IL13RA1: variants seen among roughly 807,000 people sequenced by gnomAD.
IL13RA1 encodes the protein interleukin 13 receptor subunit alpha 1, also known as interleukin-13 receptor subunit alpha-1.
IL13RA1 carries 14 observed loss-of-function variants against 33.8 expected under a neutral mutation model. The observed-to-expected ratio is 0.41, with a 90% CI of 0.27 to 0.65. The LOEUF is 0.65. IL13RA1 is among the 30% of genes least tolerant of loss of function. The pLI is 0.28. For synonymous variants in IL13RA1, 116 were observed against 115.7 expected (o/e 1.00, Z -0.02); for missense variants, 313 against 327.0 (o/e 0.96, Z 0.33).
chrX:118,731,034 C>T (rs1229618405), intron 1 of IL13RA1, among the ~76,000 whole-genome samples: 1 of 112,224 alleles, frequency 8.9e-6, no homozygotes, highest in Non-Finnish European at 1.9e-5. Flanking sequence ...AGCAAAATGC[C>T]TTCTTATGAA....
At chrX:118,802,990 A>C in the IL13RA1 span, among the ~76,000 whole-genome samples, 1 of 111,874 alleles carries the variant, frequency 8.9e-6, no homozygotes, top group Non-Finnish European at 1.9e-5. Flanking sequence ...CTACACTTCA[A>C]ACCCTTTCGT....
At chrX:118,798,129 G>A (rs2018041680), downstream of IL13RA1, among the ~76,000 whole-genome samples, 1 of 111,678 alleles carries the variant, frequency 9.0e-6, no homozygotes, top group African/African-American at 3.3e-5. Context: ...TAGAAGATGA[G>A]GAATTAGCTT....
At chrX:118,765,596 T>G (rs998385513) in intron 6 of IL13RA1, among the ~76,000 whole-genome samples, 2 of 112,480 alleles carry the variant, frequency 1.8e-5, no homozygotes, top group African/African-American at 6.5e-5. Flanking sequence ...TTTGGTTTTA[T>G]GAATGGAGTT....
the IL13RA1 span, among the ~76,000 whole-genome samples, chrX:118,803,287 G>A: frequency 9.8e-5 from 11 of 112,120 alleles, no homozygotes; most frequent in East Asian, 2.8e-4. Flanking sequence ...ATATATAGAA[G>A]TAAGGAGACT....
intron 3 of IL13RA1, among the ~76,000 whole-genome samples, chrX:118,748,361 G>GAAAAAAAA (rs34048610): frequency 2.0e-5 from 1 of 51,024 alleles, no homozygotes; most frequent in African/African-American, 7.4e-5. Context: ...AGGAGTTAAC[G>GAAAAAAAA]AAAAAAAAAA....
chrX:118,730,927 C>T (rs939367039), intron 1 of IL13RA1, among the ~76,000 whole-genome samples: 18 of 112,348 alleles, frequency 1.6e-4, no homozygotes, highest in Non-Finnish European at 3.4e-4. Context: ...ACAGATGACT[C>T]ATATATGACT....
chrX:118,728,063 C>G (rs1285362282), intron 1 of IL13RA1, among the ~76,000 whole-genome samples: 1 of 112,652 alleles, frequency 8.9e-6, no homozygotes, highest in Non-Finnish European at 1.9e-5. Context: ...GCGGGGGGCC[C>G]GAAACATGCC....
At chrX:118,776,675 T>C (rs2017788522) in intron 10 of IL13RA1, among the ~76,000 whole-genome samples, 164 bp downstream of exon 10, 1 of 108,804 alleles carries the variant, frequency 9.2e-6, no homozygotes, top group South Asian at 4.1e-4. Context: ...CTGACGCCTG[T>C]AATCCCAACA....
At chrX:118,757,650 A>G (rs2017545605) in intron 4 of IL13RA1, among the ~76,000 whole-genome samples, 1 of 99,780 alleles carries the variant, frequency 1.0e-5, no homozygotes, top group African/African-American at 3.7e-5. Flanking sequence ...CTTTTCATGG[A>G]CATCTCAGTC....
intron 10 of IL13RA1, among the ~76,000 whole-genome samples, chrX:118,788,199 G>A (rs1026438589): frequency 1.8e-5 from 2 of 111,769 alleles, no homozygotes; most frequent in Non-Finnish European, 3.8e-5. Context: ...TCCGTTCGGG[G>A]TCCCTGACTT....
chrX:118,738,693 G>A (rs552550965), intron 1 of IL13RA1, among the ~76,000 whole-genome samples: 25 of 109,460 alleles, frequency 2.3e-4, no homozygotes, highest in Middle Eastern at 9.5e-3. Context: ...ACAGGTGCAT[G>A]TGTCTTTATG....
intron 1 of IL13RA1, among the ~76,000 whole-genome samples, chrX:118,730,308 G>T (rs2017201902): frequency 8.9e-6 from 1 of 112,025 alleles, no homozygotes; most frequent in Admixed American, 9.5e-5. Flanking sequence ...AACAAAAAAA[G>T]AAGCGAATGA....
chrX:118,764,257 C>T (rs779339344), intron 6 of IL13RA1, among the ~76,000 whole-genome samples: 2 of 99,020 alleles, frequency 2.0e-5, no homozygotes, highest in African/African-American at 7.5e-5. Flanking sequence ...TCTGAAGAGC[C>T]AGTAAACTAT....
At chrX:118,769,845 C>T (rs1346940323) in intron 8 of IL13RA1, 1 of 135,002 alleles carries the variant, frequency 7.4e-6, no homozygotes, top group African/African-American at 3.2e-5. Flanking sequence ...AACACCACCA[C>T]ATTCACGTGG....
intron 4 of IL13RA1, among the ~76,000 whole-genome samples, chrX:118,752,984 C>T (rs1418556779): frequency 8.9e-6 from 1 of 111,873 alleles, no homozygotes; most frequent in African/African-American, 3.3e-5. Context: ...TTGGCAGCAT[C>T]CATGTGTTTA....
chrX:118,744,357 G>A (rs955138483), intron 2 of IL13RA1, among the ~76,000 whole-genome samples: 1 of 111,471 alleles, frequency 9.0e-6, no homozygotes, highest in Admixed American at 9.6e-5. Flanking sequence ...TCATATGCCT[G>A]AAGCATAAGG....
chrX:118,797,677 G>C (rs1450284949), downstream of IL13RA1, among the ~76,000 whole-genome samples: 1 of 112,189 alleles, frequency 8.9e-6, no homozygotes, highest in African/African-American at 3.2e-5. Flanking sequence ...GGATTATCTG[G>C]GTGAGCCCAA....
rs780965694 is a variant in IL13RA1, at chrX:118,766,838, C to T, written c.877-6C>T. ...ATTCCTTGTGTATTTTTATTTTATGCCTAAGAATACATCTTGTTTCATGGT... is the reference window on the plus strand; with the variant it reads ...ATTCCTTGTGTATTTTTATTTTATGTCTAAGAATACATCTTGTTTCATGGT... On this transcript the variant is annotated splice_region_variant and splice_polypyrimidine_tract_variant and intron_variant, in intron 7 of 10. Coordinates refer to ENST00000371666, the MANE Select transcript of IL13RA1 (RefSeq NM_001560.3). The T allele has an allele frequency of 2.0e-6, 2 of 990,746 alleles. No homozygotes were observed. The highest frequency in any genetic ancestry group is 3.1e-5 in the East Asian group (1 of 32,413). The allele number at this position is 990,746 out of a possible 1,213,427, so 81.6% of individuals were successfully genotyped here.
chrX:118,752,353 A>T (rs765566333), intron 4 of IL13RA1, among the ~76,000 whole-genome samples: 8 of 111,721 alleles, frequency 7.2e-5, no homozygotes, highest in African/African-American at 2.6e-4. Context: ...GCTTTCTTCA[A>T]ATACTCAAAC....
Sources: gnomAD v4.1 joint callset for allele counts (sites outside exome capture counted in the v4.1 genomes callset) on GRCh38, gnomAD v4.1.1 for gene constraint, MANE v1.5 for transcripts, NCBI Gene and HGNC (gene_info 2026-07-23, HGNC 2026-07-21) for gene names.